The following PDE4B variants were observed in gnomAD, a reference collection of about 807,000 sequenced individuals.
PDE4B encodes phosphodiesterase 4B.
Under a neutral mutation model 82.2 loss-of-function variants are expected in PDE4B, and 20 were observed. That is an observed-to-expected ratio of 0.24 (90% CI 0.17 to 0.35). The LOEUF (loss-of-function observed/expected upper bound fraction) is 0.35. Among genes scored for constraint, PDE4B ranks in the 10% least tolerant of loss-of-function variants. PDE4B has a pLI of 1.00. For synonymous variants in PDE4B, 320 were observed against 318.9 expected (o/e 1.00, Z -0.04); for missense variants, 655 against 907.2 (o/e 0.72, Z 3.57).
intron 3 of PDE4B, among the ~76,000 whole-genome samples, chr1:65,947,865 G>A (rs1254882658): frequency 6.6e-6 from 1 of 151,302 alleles, no homozygotes; most frequent in Non-Finnish European, 1.5e-5. Context: ...AACTTCTGTT[G>A]TTTAAAGCCA....
At chr1:65,856,174 A>G (rs992157511) in intron 1 of PDE4B, among the ~76,000 whole-genome samples, 1 of 152,292 alleles carries the variant, frequency 6.6e-6, no homozygotes, top group South Asian at 2.1e-4. Context: ...CATGCAATCA[A>G]TGTGCAAGGA....
intron 4 of PDE4B, among the ~76,000 whole-genome samples, chr1:66,255,858 C>T (rs1654177238): frequency 6.6e-6 from 1 of 152,138 alleles, no homozygotes; most frequent in African/African-American, 2.4e-5. Flanking sequence ...GTCAACTATG[C>T]AGCAAGTCAT....
intron 16 of PDE4B, among the ~76,000 whole-genome samples, 195 bp downstream of exon 16, chr1:66,369,164 A>G (rs953245651): frequency 5.3e-5 from 8 of 152,234 alleles, no homozygotes; most frequent in Non-Finnish European, 8.8e-5. Flanking sequence ...GGGGAAAAGT[A>G]GTCATCAGAA....
At chr1:65,793,319 A>C (rs1410744612) in intron 1 of PDE4B, 71 bp downstream of exon 1, 1 of 152,302 alleles carries the variant, frequency 6.6e-6, no homozygotes, top group Non-Finnish European at 1.5e-5. Context: ...CTGAAGCCTC[A>C]ATGGAGAGTG....
chr1:66,277,810 T>C (rs775595046), intron 7 of PDE4B, among the ~76,000 whole-genome samples: 1 of 152,212 alleles, frequency 6.6e-6, no homozygotes, highest in Non-Finnish European at 1.5e-5. Flanking sequence ...TCCTGCCCCT[T>C]CCATGTACCT....
rs142857469 is a variant in PDE4B at position 66,322,353 on chromosome 1, A to C, written c.635-10155A>C. ...AACTAAAGAGCTTCTGCACAGCAAA[A>C]GAAACTATCATCAGAGTGAACAGGC... On this transcript the variant is annotated intron_variant, in intron 7 of 16. Transcript: ENST00000341517. Among the ~76,000 whole-genome samples, 63 of 152,346 alleles carry C rather than the reference A, an allele frequency of 4.1e-4. No individual in the cohort carries two copies. In the Middle Eastern group the frequency reaches 0.01, roughly 25 times the overall value.
chr1:66,368,233 A>G, intron 15 of PDE4B, 168 bp downstream of exon 15: 1 of 600,326 alleles, frequency 1.7e-6, no homozygotes. Context: ...ATTCAAGTTT[A>G]TCTTCTAATT....
intron 3 of PDE4B, among the ~76,000 whole-genome samples, chr1:66,230,502 C>A (rs1046767046): frequency 2.2e-4 from 33 of 152,126 alleles, no homozygotes; most frequent in African/African-American, 8.0e-4. Flanking sequence ...GCCTTGAATG[C>A]AAAGCAAACA....
At chr1:66,321,709 G>C (rs570442274) in intron 7 of PDE4B, among the ~76,000 whole-genome samples, 3 of 152,202 alleles carry the variant, frequency 2.0e-5, no homozygotes, top group Non-Finnish European at 4.4e-5. Flanking sequence ...TACGCTCATG[G>C]ATAGGAAGAA....
At chr1:66,370,021 T>A (rs1218927642) in intron 16 of PDE4B, among the ~76,000 whole-genome samples, 1 of 151,446 alleles carries the variant, frequency 6.6e-6, no homozygotes, top group Non-Finnish European at 1.5e-5. Context: ...CATGGTAGTG[T>A]GTGCCTGTAG....
At chr1:65,813,249 T>C (rs1645840176) in intron 1 of PDE4B, among the ~76,000 whole-genome samples, 1 of 152,218 alleles carries the variant, frequency 6.6e-6, no homozygotes, top group Non-Finnish European at 1.5e-5. Flanking sequence ...GGGAGGTCAC[T>C]ATAATTACCA....
rs140158743 is a variant in PDE4B at position 66,054,825 on chromosome 1, T to C, written c.281+135990T>C. 1.9e-3 allele frequency among the ~76,000 whole-genome samples: 288 copies of C among 152,316 alleles called. 3 individuals are homozygous for C. The highest frequency in any genetic ancestry group is 0.014 in the East Asian group (70 of 5,184). On this transcript the variant is annotated intron_variant, in intron 3 of 16. Coordinates refer to ENST00000341517, the MANE Select transcript of PDE4B (RefSeq NM_002600.4). ...CCTCTTCTGTCATGGTTCCTCCTTA[T>C]CTATAGGCCCTTCCTTCTCAAAGTG... is the stretch of plus-strand genomic sequence containing the variant.
intron 7 of PDE4B, chr1:66,332,257 T>C: frequency 6.8e-7 from 1 of 1,467,190 alleles, no homozygotes; most frequent in Non-Finnish European, 9.0e-7. Context: ...AGGAAGTTTC[T>C]TGGTAGATCA....
intron 3 of PDE4B, among the ~76,000 whole-genome samples, chr1:66,001,006 A>G (rs568924801): frequency 2.6e-4 from 39 of 152,330 alleles, no homozygotes; most frequent in Non-Finnish European, 4.3e-4. Flanking sequence ...CACAAATTCT[A>G]TAATCTCCAA....
chr1:66,075,564 TATAATACTGACCAAA>T (rs1656384628), intron 3 of PDE4B, among the ~76,000 whole-genome samples: 1 of 152,102 alleles, frequency 6.6e-6, no homozygotes, highest in Non-Finnish European at 1.5e-5. Flanking sequence ...AAAATCCATT[TATAATACTGACCAAA>T]ATTATAATCC....
At chr1:65,854,968 A>G (rs990523845) in intron 1 of PDE4B, among the ~76,000 whole-genome samples, 3 of 151,638 alleles carry the variant, frequency 2.0e-5, no homozygotes, top group African/African-American at 4.8e-5. Flanking sequence ...TTTTCATTTC[A>G]TAGTATCTGA....
chr1:65,947,914 T>C lies in PDE4B; in HGVS notation c.281+29079T>C, dbSNP rs1043954011. ...CTTTGTTATAGCAGCCATAGGAAAC[T>C]AATACAGATGCAATATATATACTAT... On this transcript the variant is annotated intron_variant, in intron 3 of 16. Coordinates refer to ENST00000341517, the MANE Select transcript of PDE4B (RefSeq NM_002600.4). Among the ~76,000 whole-genome samples, 5 of 149,704 alleles carry C rather than the reference T, an allele frequency of 3.3e-5. No individual in the cohort carries two copies. The East Asian group carries it at 9.7e-4, about 29-fold the overall frequency.
intron 3 of PDE4B, among the ~76,000 whole-genome samples, chr1:66,073,151 C>T (rs915177453): frequency 2.6e-5 from 4 of 151,926 alleles, no homozygotes; most frequent in African/African-American, 9.7e-5. Flanking sequence ...GGGATTGTGT[C>T]CTGCTGTGTC....
At chr1:65,847,035 T>C (rs759490534) in intron 1 of PDE4B, among the ~76,000 whole-genome samples, 34 of 152,214 alleles carry the variant, frequency 2.2e-4, no homozygotes, top group Non-Finnish European at 4.6e-4. Flanking sequence ...TGTTGTAGAT[T>C]TAAAAAAACC....
Sources: gnomAD v4.1 joint callset for allele counts (sites outside exome capture counted in the v4.1 genomes callset) on GRCh38, gnomAD v4.1.1 for gene constraint, MANE v1.5 for transcripts, NCBI Gene and HGNC (gene_info 2026-07-23, HGNC 2026-07-21) for gene names.